TEX15: variants seen among roughly 807,000 people sequenced by gnomAD.
TEX15 encodes testis expressed 15, meiosis and synapsis associated.
In TEX15, 171 loss-of-function variants were observed where a neutral mutation model predicts 237.3. That is an observed-to-expected ratio of 0.72 (90% CI 0.64 to 0.82). TEX15 has a LOEUF of 0.82. Ranked by LOEUF, TEX15 falls within the 40% of genes least tolerant of loss-of-function variation. TEX15 has a pLI of 0.00. For missense variants in TEX15, 3,750 were observed against 3,646.5 expected, an observed-to-expected ratio of 1.03 and a Z score of -0.73; for synonymous variants, 1,338 against 1,269.8, an observed-to-expected ratio of 1.05 and a Z score of -1.14.
intron 8 of TEX15, 46 bp downstream of exon 8, chr8:30,841,958 T>C: frequency 4.3e-6 from 6 of 1,382,774 alleles, no homozygotes; most frequent in Non-Finnish European, 5.8e-6. Flanking sequence ...GTAGACTTGT[T>C]TTCAAAAAGA....
At chr8:30,877,328 T>A (rs1808421337) in intron 3 of TEX15, among the ~76,000 whole-genome samples, 1 of 152,190 alleles carries the variant, frequency 6.6e-6, no homozygotes, top group Non-Finnish European at 1.5e-5. Flanking sequence ...TTCACAAACA[T>A]GGAATCCTCA....
chr8:30,847,366 G>T lies in TEX15; in HGVS notation c.2801C>A (p.Ala934Glu), dbSNP rs1807644331. 1 of 1,613,530 alleles carries T rather than the reference G, an allele frequency of 6.2e-7. No individual in the cohort carries two copies. Among genetic ancestry groups the T allele is most frequent in the Non-Finnish European group, 8.5e-7 (1 of 1,179,886 alleles). ...TTCACTCTCTAATAATGCAGTTGCT[G>T]CTGACACTGCATTATCTTCTCTGCA... ...LICREDNAVS[A>E]ATALLESEED... Residue 934 changes from alanine (A) to glutamate (E), a missense_variant, in exon 8 of 11, where the codon GCA (alanine) becomes GAA (glutamate). Coordinates refer to ENST00000643185, the MANE Select transcript of TEX15 (RefSeq NM_001350162.2).
chr8:30,890,402 G>C (rs1490763199), intron 2 of TEX15: 1 of 152,096 alleles, frequency 6.6e-6, no homozygotes, highest in East Asian at 1.9e-4. Flanking sequence ...TTCAATAAAA[G>C]TAAAAATGAT....
intron 1 of TEX15, among the ~76,000 whole-genome samples, chr8:30,903,421 G>A (rs1338053118): frequency 1.3e-5 from 2 of 152,182 alleles, no homozygotes; most frequent in Non-Finnish European, 2.9e-5. Context: ...GAGTCTAGGA[G>A]CTGCAGTACA....
intron 4 of TEX15, among the ~76,000 whole-genome samples, chr8:30,870,902 T>C (rs984977287): frequency 6.6e-6 from 1 of 152,094 alleles, no homozygotes; most frequent in African/African-American, 2.4e-5. Flanking sequence ...CTGGATTGTG[T>C]TCCTTTCTGA....
At chr8:30,860,221 A>G (rs1808016385) in intron 5 of TEX15, among the ~76,000 whole-genome samples, 164 bp from the exon 6 acceptor site, 1 of 152,042 alleles carries the variant, frequency 6.6e-6, no homozygotes, top group Non-Finnish European at 1.5e-5. Context: ...CTCAGGCTGA[A>G]GCGATCCTCC....
rs978262201 is a variant in TEX15, at chr8:30,832,691, A to G, written c.*595T>C. On this transcript the variant is annotated 3_prime_UTR_variant, in exon 11 of 11. Transcript: ENST00000643185. ...ATAATCTTCTGGAAATGGCTCTTGTAGAAAAAGGCATTGAAAGTGCTTCAT... is the reference window on the plus strand; with the variant it reads ...ATAATCTTCTGGAAATGGCTCTTGTGGAAAAAGGCATTGAAAGTGCTTCAT... 14 of 152,216 alleles carry G rather than the reference A, an allele frequency of 9.2e-5. No homozygotes were observed. Among genetic ancestry groups the G allele is most frequent in the African/African-American group, 3.4e-4 (14 of 41,480 alleles). 9.4% of individuals were successfully genotyped at this position (152,216 alleles called of 1,614,324 possible). A position where few individuals can be genotyped will look rare whatever the true frequency, so the allele number is the denominator to read the frequency against.
chr8:30,834,480 CCT>C (rs71982814), intron 10 of TEX15, among the ~76,000 whole-genome samples: 81,752 of 152,028 alleles, frequency 0.54, 26,984 homozygotes, highest in East Asian at 0.79. Context: ...CCTTTTTTCC[CCT>C]CTTTTATCGT....
At chr8:30,866,369 A>G (rs1269615946) in intron 5 of TEX15, among the ~76,000 whole-genome samples, 1 of 147,626 alleles carries the variant, frequency 6.8e-6, no homozygotes, top group Non-Finnish European at 1.5e-5. Flanking sequence ...AAAGGGGAAG[A>G]GGAAGGGGAA....
At chr8:30,861,643 A>G (rs540419445) in intron 5 of TEX15, among the ~76,000 whole-genome samples, 1 of 152,290 alleles carries the variant, frequency 6.6e-6, no homozygotes, top group Admixed American at 6.5e-5. Context: ...TGTTAACATC[A>G]GAAGAAGCTG....
chr8:30,893,219 T>C (rs1808830884), intron 2 of TEX15, among the ~76,000 whole-genome samples: 1 of 152,140 alleles, frequency 6.6e-6, no homozygotes, highest in Non-Finnish European at 1.5e-5. Flanking sequence ...AGTTAAATAA[T>C]ATGTCCAAGG....
rs115828621 is a variant in TEX15, at chr8:30,909,115, T to A, written c.-86+3764A>T. ...GCATATTAACAGTGATTGTGTGTAG[T>A]TTTAGATTTATATCAGGACAAACTA... On this transcript the variant is annotated intron_variant, in intron 1 of 10. Coordinates refer to ENST00000643185, the MANE Select transcript of TEX15 (RefSeq NM_001350162.2). Among the ~76,000 whole-genome samples, 870 of 152,240 alleles carry A rather than the reference T, an allele frequency of 5.7e-3. 11 individuals are homozygous for A. The highest frequency in any genetic ancestry group is 0.019 in the African/African-American group (808 of 41,534).
rs1460094178 is a variant in TEX15 at position 30,837,437 on chromosome 8, C to A, written c.8847G>T (p.Leu2949=). 2 of 1,614,076 alleles carry A rather than the reference C, an allele frequency of 1.2e-6. No homozygotes were observed. Among genetic ancestry groups the A allele is most frequent in the Non-Finnish European group, 1.7e-6 (2 of 1,180,014 alleles). Residue 2949 remains leucine (L), a synonymous_variant, in exon 10 of 11, where the codon CTG becomes CTT. Coordinates refer to ENST00000643185, the MANE Select transcript of TEX15 (RefSeq NM_001350162.2). The part of the protein sequence containing the change: ...PICIQNKIPT[L]QINKLQPTET... ...CTGTAGGCTGTAGTTTGTTTATCTGCAGAGTAGGAATTTTGTTCTGGATAC... is the reference window on the plus strand; with the variant it reads ...CTGTAGGCTGTAGTTTGTTTATCTGAAGAGTAGGAATTTTGTTCTGGATAC...
intron 1 of TEX15, among the ~76,000 whole-genome samples, chr8:30,907,574 A>C (rs1471080707): frequency 7.5e-6 from 1 of 133,648 alleles, no homozygotes; most frequent in African/African-American, 3.0e-5. Flanking sequence ...AATTTATTAT[A>C]TATAAATTAA....
At chr8:30,838,406 C>G (rs183931108) in intron 9 of TEX15, among the ~76,000 whole-genome samples, 1 of 151,938 alleles carries the variant, frequency 6.6e-6, no homozygotes, top group African/African-American at 2.4e-5. Flanking sequence ...ATGCCTCCTG[C>G]CTGATGATCT....
intron 3 of TEX15, among the ~76,000 whole-genome samples, chr8:30,882,566 G>A (rs765207830): frequency 2.6e-5 from 4 of 151,860 alleles, no homozygotes; most frequent in Non-Finnish European, 4.4e-5. Flanking sequence ...GATTACAGAC[G>A]TGAGCCACTG....
chr8:30,907,554 A>G (rs983782773), intron 1 of TEX15, among the ~76,000 whole-genome samples: 3 of 109,474 alleles, frequency 2.7e-5, no homozygotes, highest in African/African-American at 1.4e-4. Context: ...TATATACAAA[A>G]TTTATATATA....
intron 2 of TEX15, among the ~76,000 whole-genome samples, chr8:30,894,636 C>G (rs1808858665): frequency 1.3e-5 from 2 of 152,182 alleles, no homozygotes; most frequent in South Asian, 4.2e-4. Flanking sequence ...CAAATAGTGC[C>G]AGGAAAACTG....
At position 30,845,041 on chromosome 8, in the gene TEX15, A is replaced by T; in HGVS notation, c.5126T>A (p.Leu1709Ter). The change falls in exon 8 of 11, where the codon TTG becomes TAG. Residue 1709 changes from leucine (L) to a stop codon, truncating the protein, a stop_gained. Coordinates refer to ENST00000643185, the MANE Select transcript of TEX15 (RefSeq NM_001350162.2). LOFTEE classifies it high-confidence loss of function. ...NFLMGPLNLT[L>*]IASKKYSIPQ... ...AATACTGTACTTTTTACTTGCTATC[A>T]AAGTTAGGTTTAATGGGCCCATAAG... 6.2e-7 allele frequency: 1 copy of T among 1,613,592 alleles called. No individual in the cohort carries two copies. The highest frequency in any genetic ancestry group is 8.5e-7 in the Non-Finnish European group (1 of 1,179,566).
Sources: gnomAD v4.1 joint callset for allele counts (sites outside exome capture counted in the v4.1 genomes callset) on GRCh38, gnomAD v4.1.1 for gene constraint, MANE v1.5 for transcripts, NCBI Gene and HGNC (gene_info 2026-07-23, HGNC 2026-07-21) for gene names.